Variants in MYH16 observed in about 807,000 individuals in gnomAD.
The protein encoded by MYH16 is putative uncharacterized protein MYH16.
chr7:99,291,619 C>A (rs1048554003), intron 31 of MYH16, among the ~76,000 whole-genome samples, 169 bp downstream of exon 12: 1 of 120,466 alleles, frequency 8.3e-6, no homozygotes, highest in Non-Finnish European at 1.7e-5. Context: ...ACAGCAAGAC[C>A]CCCCCCCACC....
chr7:99,273,872 G>T (rs567203527), intron 20 of MYH16, among the ~76,000 whole-genome samples: 2 of 145,608 alleles, frequency 1.4e-5, no homozygotes, highest in African/African-American at 5.1e-5. Flanking sequence ...AAGGGAGAGA[G>T]GAAAGGAAGG....
intron 18 of MYH16, among the ~76,000 whole-genome samples, chr7:99,270,076 C>T (rs905041457): frequency 2.2e-4 from 22 of 98,006 alleles, no homozygotes; most frequent in East Asian, 3.1e-4. Flanking sequence ...GGTTTCACCA[C>T]GTTGGCCAGG....
At chr7:99,302,618 C>T (rs1420787988) in intron 38 of MYH16, among the ~76,000 whole-genome samples, 3 of 151,928 alleles carry the variant, frequency 2.0e-5, no homozygotes, top group Admixed American at 6.6e-5. Flanking sequence ...CAGTGGCTCA[C>T]GTCTGTAATC....
chr7:99,294,425 G>T (rs1019904084), intron 33 of MYH16, among the ~76,000 whole-genome samples: 4 of 149,022 alleles, frequency 2.7e-5, no homozygotes, highest in Non-Finnish European at 5.9e-5. Context: ...CCAACACACT[G>T]GGTGGCCAAG....
intron 12 of MYH16, chr7:99,261,227 G>C (rs1271778531): frequency 7.2e-5 from 11 of 152,202 alleles, no homozygotes; most frequent in Admixed American, 7.2e-4. Context: ...CCTTCTGTTG[G>C]ACTCGATGAT....
At chr7:99,268,127 ACT>A (rs1396514997) in intron 18 of MYH16, among the ~76,000 whole-genome samples, 2 of 151,650 alleles carry the variant, frequency 1.3e-5, no homozygotes, top group Admixed American at 1.3e-4. Context: ...GCTTTATAAT[ACT>A]CTGTGTGTGT....
At chr7:99,240,754 C>A (rs191519136) in intron 1 of MYH16, among the ~76,000 whole-genome samples, 199 of 151,894 alleles carry the variant, frequency 1.3e-3, no homozygotes, top group African/African-American at 4.5e-3. Flanking sequence ...CCAGGAGAAT[C>A]GCTTGAGCCC....
intron 12 of MYH16, chr7:99,260,383 A>C: frequency 1.3e-6 from 1 of 791,352 alleles, no homozygotes; most frequent in South Asian, 1.5e-5. Flanking sequence ...GGGCCAAGGG[A>C]TGTCACTGGC....
At chr7:99,294,500 C>CAAAAAAAAAAAAAAAAAAAAA (rs1159682450) in intron 33 of MYH16, among the ~76,000 whole-genome samples, 7 of 25,550 alleles carry the variant, frequency 2.7e-4, no homozygotes, top group East Asian at 1.7e-3. Context: ...GACCCTGTCT[C>CAAAAAAAAAAAAAAAAAAAAA]AAAAAAAAAA....
At chr7:99,252,627 C>T (rs1791823611) in intron 6 of MYH16, 1 of 152,240 alleles carries the variant, frequency 6.6e-6, no homozygotes, top group Non-Finnish European at 1.5e-5. Flanking sequence ...AACCACAGAC[C>T]CTAGATTTAG....
chr7:99,242,423 G>C (rs1490884678), intron 1 of MYH16, among the ~76,000 whole-genome samples: 1 of 151,964 alleles, frequency 6.6e-6, no homozygotes, highest in Non-Finnish European at 1.5e-5. Context: ...ATCATTGAAG[G>C]CCAAGAGTTC....
At chr7:99,276,018 G>T (rs1358826397) in intron 20 of MYH16, among the ~76,000 whole-genome samples, 2 of 152,228 alleles carry the variant, frequency 1.3e-5, no homozygotes, top group East Asian at 3.8e-4. Context: ...GTGAGCCACT[G>T]CGCCCGGCCT....
intron 1 of MYH16, among the ~76,000 whole-genome samples, chr7:99,240,621 C>T (rs1252361631): frequency 6.6e-6 from 1 of 152,106 alleles, no homozygotes; most frequent in African/African-American, 2.4e-5. Flanking sequence ...GAGGCCGATA[C>T]AGGCAGATCG....
intron 30 of MYH16, among the ~76,000 whole-genome samples, chr7:99,290,408 G>A (rs2150826982): frequency 6.7e-6 from 1 of 148,774 alleles, no homozygotes; most frequent in East Asian, 2.0e-4. Context: ...GATTGCTTGA[G>A]CCCAGGAGTT....
At chr7:99,260,188 A>G (rs1791924265) in exon 12 of MYH16, 1 of 1,609,918 alleles carries the variant, frequency 6.2e-7, no homozygotes, top group Admixed American at 1.7e-5. Flanking sequence ...GCAGCTATGC[A>G]TCAACTTCAC....
chr7:99,299,062 C>T (rs987126733), intron 36 of MYH16, among the ~76,000 whole-genome samples: 1 of 122,256 alleles, frequency 8.2e-6, no homozygotes, highest in African/African-American at 3.0e-5. Flanking sequence ...CCCCGCTCTA[C>T]AAAAAAAAAA....
chr7:99,302,317 T>TATACAC (rs1184408879), intron 38 of MYH16, among the ~76,000 whole-genome samples: 1,369 of 95,574 alleles, frequency 0.014, 91 homozygotes, highest in African/African-American at 0.049. Context: ...AAAAAATATA[T>TATACAC]ACACACACAC....
chr7:99,279,819 C>T, intron 22 of MYH16, 82 bp downstream of exon 4: 1 of 389,840 alleles, frequency 2.6e-6, no homozygotes, highest in Non-Finnish European at 5.0e-6. Context: ...GTGGCTACAC[C>T]CAGTGCCCTG....
At chr7:99,242,924 A>G (rs968959430) in intron 1 of MYH16, among the ~76,000 whole-genome samples, 1 of 152,224 alleles carries the variant, frequency 6.6e-6, no homozygotes, top group Non-Finnish European at 1.5e-5. Flanking sequence ...ATCTATCAGG[A>G]TGGATTTGGC....
Sources: allele counts gnomAD v4.1 joint callset (sites outside exome capture counted in the v4.1 genomes callset), GRCh38; gene constraint gnomAD v4.1.1; transcripts MANE v1.5; gene names NCBI Gene and HGNC (gene_info 2026-07-23, HGNC 2026-07-21).